The following TTC8 variants were observed in gnomAD, a reference collection of about 807,000 sequenced individuals.
TTC8 encodes the protein tetratricopeptide repeat domain 8.
A neutral mutation model predicts 72.5 loss-of-function variants in TTC8; 47 were observed. The ratio of observed to expected loss-of-function variants is 0.65; its 90% CI spans 0.51 to 0.83. The LOEUF is 0.83. TTC8 is among the 40% of genes least tolerant of loss of function. The pLI, the probability that TTC8 is intolerant of heterozygous loss-of-function variation, is 0.00. For synonymous variants in TTC8, 199 were observed against 221.4 expected (o/e 0.90, Z 0.90); for missense variants, 611 against 623.2 (o/e 0.98, Z 0.21).
chr14:88,872,216 T>A, intron 12 of TTC8, 114 bp from the exon 13 acceptor site: 2 of 1,442,622 alleles, frequency 1.4e-6, no homozygotes, highest in Non-Finnish European at 1.9e-6. Flanking sequence ...TTGACTTCTA[T>A]AATTGTATGG....
At chr14:88,840,994 C>A in intron 4 of TTC8, 43 bp from the exon 5 acceptor site, 1 of 1,613,920 alleles carries the variant, frequency 6.2e-7, no homozygotes, top group Non-Finnish European at 8.5e-7. Context: ...AGTCTTTCCT[C>A]AAATGATCTT....
At chr14:88,833,974 C>G (rs2094738344) in intron 2 of TTC8, 1 of 519,442 alleles carries the variant, frequency 1.9e-6, no homozygotes, top group African/African-American at 1.9e-5. Flanking sequence ...ATGGAAATGA[C>G]CAAGATGGAT....
intron 2 of TTC8, among the ~76,000 whole-genome samples, 157 bp from the exon 3 acceptor site, chr14:88,839,295 G>A (rs1346502738): frequency 7.3e-4 from 111 of 152,218 alleles, no homozygotes; most frequent in African/African-American, 2.6e-3. Context: ...TCTTGTATTA[G>A]TTTTTGACAT....
At chr14:88,857,344 A>G in intron 9 of TTC8, 67 bp downstream of exon 9, 1 of 1,327,220 alleles carries the variant, frequency 7.5e-7, no homozygotes, top group South Asian at 1.2e-5. Context: ...TGGCCATTGC[A>G]TGGGGAGAGT....
chr14:88,853,186 A>G (rs1218819645), intron 8 of TTC8, 130 bp downstream of exon 8: 1 of 701,176 alleles, frequency 1.4e-6, no homozygotes, highest in African/African-American at 1.8e-5. Flanking sequence ...TACTTGATAA[A>G]GCATTTACTT....
At chr14:88,867,541 G>A (rs1386855342) in intron 10 of TTC8, among the ~76,000 whole-genome samples, 1 of 152,268 alleles carries the variant, frequency 6.6e-6, no homozygotes, top group Non-Finnish European at 1.5e-5. Context: ...CAGAGCCTCT[G>A]CCTACTACAA....
At chr14:88,867,787 AC>A (rs2094917740) in intron 10 of TTC8, among the ~76,000 whole-genome samples, 1 of 152,252 alleles carries the variant, frequency 6.6e-6, no homozygotes, top group Admixed American at 6.5e-5. Flanking sequence ...AAAGTCTTGA[AC>A]CAACTGGCTT....
intron 4 of TTC8, 52 bp downstream of exon 4, chr14:88,840,980 T>C (rs1443235230): frequency 3.1e-6 from 5 of 1,613,780 alleles, no homozygotes; most frequent in Non-Finnish European, 4.2e-6. Flanking sequence ...TCAGACTGTA[T>C]GAGAGTCTTT....
intron 7 of TTC8, among the ~76,000 whole-genome samples, chr14:88,845,559 G>A (rs2094802382): frequency 6.6e-6 from 1 of 152,116 alleles, no homozygotes; most frequent in African/African-American, 2.4e-5. Context: ...GCACACTTCT[G>A]TAAATAAAAG....
chr14:88,830,359 G>A (rs2094720193), intron 1 of TTC8, among the ~76,000 whole-genome samples: 1 of 152,170 alleles, frequency 6.6e-6, no homozygotes, highest in African/African-American at 2.4e-5. Context: ...CACTTTGAGG[G>A]AGATTCAGAG....
intron 1 of TTC8, among the ~76,000 whole-genome samples, chr14:88,831,400 C>G (rs1248535960): frequency 6.6e-6 from 1 of 152,206 alleles, no homozygotes; most frequent in Non-Finnish European, 1.5e-5. Flanking sequence ...GTTGCTGATT[C>G]TGGCTACACT....
chr14:88,854,745 A>G (rs574140423), intron 8 of TTC8, among the ~76,000 whole-genome samples: 1 of 152,228 alleles, frequency 6.6e-6, no homozygotes, highest in African/African-American at 2.4e-5. Context: ...GAGTGTAGTT[A>G]TATGATTGTG....
At chr14:88,846,791 A>C in intron 7 of TTC8, 1 of 540,614 alleles carries the variant, frequency 1.8e-6, no homozygotes, top group Non-Finnish European at 3.0e-6. Flanking sequence ...ATGAACTTAA[A>C]AATTTTTGAT....
chr14:88,836,992 C>T (rs11844698), intron 2 of TTC8: 3,666 of 244,420 alleles, frequency 0.015, 154 homozygotes, highest in African/African-American at 0.08. Context: ...ACCCAGGAAG[C>T]GGAGGTTGCA....
At chr14:88,853,763 G>A (rs111711881) in intron 8 of TTC8, among the ~76,000 whole-genome samples, 18 of 152,244 alleles carry the variant, frequency 1.2e-4, no homozygotes, top group South Asian at 4.1e-4. Flanking sequence ...CAGAAGAGTC[G>A]TAATGAATTT....
At chr14:88,824,961 C>G (rs1056035491) in intron 1 of TTC8, 140 bp downstream of exon 1, 3 of 779,782 alleles carry the variant, frequency 3.8e-6, no homozygotes, top group Middle Eastern at 3.5e-4. Context: ...GCGCCCGGAG[C>G]GAGACCTTGT....
At chr14:88,840,709 A>T in intron 3 of TTC8, 156 bp from the exon 4 acceptor site, 1 of 733,172 alleles carries the variant, frequency 1.4e-6, no homozygotes. Flanking sequence ...ATAGGTACTC[A>T]TTAAATATTA....
intron 2 of TTC8, among the ~76,000 whole-genome samples, chr14:88,837,984 A>C (rs1249772319): frequency 6.6e-6 from 1 of 152,140 alleles, no homozygotes; most frequent in Non-Finnish European, 1.5e-5. Context: ...TTTGTTCTAA[A>C]TTTTTAAATA....
At chr14:88,855,663 C>A (rs2094852786) in intron 8 of TTC8, among the ~76,000 whole-genome samples, 1 of 151,974 alleles carries the variant, frequency 6.6e-6, no homozygotes, top group Non-Finnish European at 1.5e-5. Flanking sequence ...TTATATGTAT[C>A]TTTTTATTGT....
Sources: gnomAD v4.1 joint callset for allele counts (sites outside exome capture counted in the v4.1 genomes callset) on GRCh38, gnomAD v4.1.1 for gene constraint, MANE v1.5 for transcripts, NCBI Gene and HGNC (gene_info 2026-07-23, HGNC 2026-07-21) for gene names.